FRMD4A: variants seen among roughly 807,000 people sequenced by gnomAD.
FRMD4A encodes FERM domain containing 4A.
Under a neutral mutation model 129.1 loss-of-function variants are expected in FRMD4A, and 29 were observed. The observed-to-expected ratio is 0.22, with a 90% CI of 0.17 to 0.31. The LOEUF is 0.31. Ranked by LOEUF, FRMD4A falls within the 10% of genes least tolerant of loss-of-function variation. FRMD4A has a pLI of 1.00. For synonymous variants in FRMD4A, 634 were observed against 571.6 expected (o/e 1.11, Z -1.56); for missense variants, 1,272 against 1,375.8 (o/e 0.92, Z 1.19).
chr10:14,324,821 T>A (rs1589315645), intron 2 of FRMD4A, among the ~76,000 whole-genome samples: 1 of 152,136 alleles, frequency 6.6e-6, no homozygotes, highest in African/African-American at 2.4e-5. Flanking sequence ...CCACCACGCC[T>A]TGCTAATTTT....
intron 2 of FRMD4A, among the ~76,000 whole-genome samples, chr10:13,930,600 A>G (rs1209285961): frequency 1.3e-5 from 2 of 152,178 alleles, no homozygotes. Flanking sequence ...GTCCCATGCA[A>G]AGAGTGTCAC....
chr10:14,147,020 T>A (rs1002421757), intron 2 of FRMD4A, among the ~76,000 whole-genome samples: 4 of 152,232 alleles, frequency 2.6e-5, no homozygotes, highest in Non-Finnish European at 2.9e-5. Context: ...TTGCTTCAAC[T>A]CCTTTTTGGA....
intron 2 of FRMD4A, among the ~76,000 whole-genome samples, chr10:13,887,865 G>C (rs2094643736): frequency 6.6e-6 from 1 of 152,190 alleles, no homozygotes; most frequent in Non-Finnish European, 1.5e-5. Context: ...GTAAGGGTGT[G>C]TCTAAATTAT....
intron 8 of FRMD4A, among the ~76,000 whole-genome samples, chr10:13,748,372 C>T (rs1049380896): frequency 1.3e-5 from 2 of 152,168 alleles, no homozygotes; most frequent in South Asian, 2.1e-4. Flanking sequence ...TCTCCTTTAT[C>T]GGAAATGCTT....
intron 2 of FRMD4A, among the ~76,000 whole-genome samples, chr10:14,174,684 C>A (rs1331418965): frequency 1.3e-5 from 2 of 152,284 alleles, no homozygotes; most frequent in South Asian, 4.1e-4. Context: ...AATCCCACTG[C>A]GTGGAGTACT....
chr10:13,707,070 T>C lies in FRMD4A; in HGVS notation c.803A>G (p.Lys268Arg), dbSNP rs777898155. 3.1e-6 allele frequency: 5 copies of C among 1,598,120 alleles called. No individual in the cohort carries two copies. The East Asian group carries it at 8.9e-5, about 29-fold the overall frequency. ...GTCATGAACTTCCACGGAAAACTTCTTTTCTCTGAAGTACAGGTTTTCCAA... is the reference window on the plus strand; with the variant it reads ...GTCATGAACTTCCACGGAAAACTTCCTTTCTCTGAAGTACAGGTTTTCCAA... ...RQLENLYFRE[K>R]KFSVEVHDPR... The change falls in exon 13 of 25, where the codon AAG becomes AGG. Residue 268 changes from lysine to arginine, a missense_variant. By Grantham distance (26) the Lys-to-Arg change is conservative. Coordinates refer to ENST00000357447, the MANE Select transcript of FRMD4A (RefSeq NM_018027.5).
chr10:13,840,275 G>A (rs2093942116), intron 3 of FRMD4A, among the ~76,000 whole-genome samples: 1 of 152,038 alleles, frequency 6.6e-6, no homozygotes, highest in South Asian at 2.1e-4. Flanking sequence ...AGAGAACCAG[G>A]GATACTCCAG....
chr10:14,245,334 A>C (rs1311711241), intron 2 of FRMD4A, among the ~76,000 whole-genome samples: 1 of 152,176 alleles, frequency 6.6e-6, no homozygotes, highest in Admixed American at 6.5e-5. Context: ...TCCTTTCTAT[A>C]GTTTCCTCTT....
At chr10:14,210,116 C>A (rs1842895421) in intron 2 of FRMD4A, among the ~76,000 whole-genome samples, 1 of 152,168 alleles carries the variant, frequency 6.6e-6, no homozygotes, top group Admixed American at 6.5e-5. Flanking sequence ...TTTGTGCCAG[C>A]CTGCTATAGC....
At chr10:13,707,494 C>T (rs898819129) in intron 12 of FRMD4A, 3 of 1,009,568 alleles carry the variant, frequency 3.0e-6, no homozygotes, top group African/African-American at 1.7e-5. Context: ...GGGAAGGCGG[C>T]GGGTGAGGGG....
intron 2 of FRMD4A, among the ~76,000 whole-genome samples, chr10:14,294,931 T>C (rs1259006639): frequency 6.6e-6 from 1 of 152,162 alleles, no homozygotes; most frequent in Non-Finnish European, 1.5e-5. Context: ...TAATCGGCAA[T>C]CTATCCTGGT....
Position 13,882,038 on chromosome 10 carries a change from T to A in FRMD4A, c.46-23126A>T, listed in dbSNP as rs1271217370. Among the ~76,000 whole-genome samples, 5 of 78,122 alleles carry A rather than the reference T, an allele frequency of 6.4e-5. 1 individual carries two copies. Among genetic ancestry groups the A allele is most frequent in the Middle Eastern group, 0.014 (2 of 144 alleles). The allele number at this position is 78,122 out of a possible 152,430, so 51.3% of individuals were successfully genotyped here. On this transcript the variant is annotated intron_variant, in intron 2 of 24. Transcript: ENST00000357447. ...GTGTGTGTGTGTGTGTGTGTGTGTGTGATGGTTAACATAAGAAAAGAAGTT... is the reference window on the plus strand; with the variant it reads ...GTGTGTGTGTGTGTGTGTGTGTGTGAGATGGTTAACATAAGAAAAGAAGTT...
chr10:13,983,226 C>T (rs1469073792), intron 2 of FRMD4A, among the ~76,000 whole-genome samples: 2 of 152,168 alleles, frequency 1.3e-5, no homozygotes, highest in Non-Finnish European at 2.9e-5. Flanking sequence ...GAAATATTTA[C>T]TTAACCCAAG....
chr10:14,263,043 T>C (rs778666197), intron 2 of FRMD4A, among the ~76,000 whole-genome samples: 1 of 152,138 alleles, frequency 6.6e-6, no homozygotes, highest in Non-Finnish European at 1.5e-5. Flanking sequence ...CCAGGATCCT[T>C]TCCCATCCTT....
chr10:14,013,085 AG>A (rs2095687522), intron 2 of FRMD4A, among the ~76,000 whole-genome samples: 1 of 152,108 alleles, frequency 6.6e-6, no homozygotes. Context: ...GGTGAGCTGG[AG>A]AAAGAGATGG....
intron 12 of FRMD4A, among the ~76,000 whole-genome samples, chr10:13,712,655 G>A (rs2088143201): frequency 6.6e-6 from 1 of 152,322 alleles, no homozygotes; most frequent in African/African-American, 2.4e-5. Flanking sequence ...GATACTGGAT[G>A]TGGATTCTTA....
At chr10:14,246,382 TACACACACACACAC>T (rs72276961) in intron 2 of FRMD4A, among the ~76,000 whole-genome samples, 1 of 150,968 alleles carries the variant, frequency 6.6e-6, no homozygotes, top group Non-Finnish European at 1.5e-5. Flanking sequence ...AAAACACACA[TACACACACACACAC>T]ACACACACAC....
chr10:14,219,335 A>G (rs1843174395), intron 2 of FRMD4A, among the ~76,000 whole-genome samples: 1 of 152,180 alleles, frequency 6.6e-6, no homozygotes, highest in Non-Finnish European at 1.5e-5. Flanking sequence ...TTTAATAAGG[A>G]CCTAGGTATC....
intron 2 of FRMD4A, among the ~76,000 whole-genome samples, chr10:13,884,103 A>AACACACACAC (rs57338480): frequency 1.9e-5 from 2 of 105,636 alleles, no homozygotes; most frequent in Non-Finnish European, 4.0e-5. Flanking sequence ...ATGGAAAAGA[A>AACACACACAC]ACACACACAC....
Sources: gnomAD v4.1 joint callset for allele counts (sites outside exome capture counted in the v4.1 genomes callset) on GRCh38, gnomAD v4.1.1 for gene constraint, MANE v1.5 for transcripts, NCBI Gene and HGNC (gene_info 2026-07-23, HGNC 2026-07-21) for gene names.